TJP1: variants seen among roughly 807,000 people sequenced by gnomAD.
TJP1 encodes tight junction protein 1.
In TJP1, 43 loss-of-function variants were observed where a neutral mutation model predicts 194.2. The observed-to-expected ratio is 0.22, with a 90% CI of 0.17 to 0.29. The LOEUF (loss-of-function observed/expected upper bound fraction) is 0.29, where lower values mean the gene tolerates loss of function less well. TJP1 is among the 10% of genes least tolerant of loss of function. The pLI is 1.00. For synonymous variants in TJP1, 801 were observed against 779.0 expected, an observed-to-expected ratio of 1.03 and a Z score of -0.47; for missense variants, 1,971 against 2,185.7, an observed-to-expected ratio of 0.90 and a Z score of 1.96.
intron 2 of TJP1, among the ~76,000 whole-genome samples, chr15:29,841,507 C>A (rs2051224122): frequency 1.3e-5 from 2 of 152,134 alleles, no homozygotes; most frequent in African/African-American, 4.8e-5. Flanking sequence ...GAAAAGGCTG[C>A]ATTTCTTTAT....
At position 29,936,113 on chromosome 15, in the gene TJP1, G is replaced by A. The variant is rs535338249; in HGVS notation, c.306+20119C>T. Among the ~76,000 whole-genome samples, 7 of 151,896 alleles carry A rather than the reference G, an allele frequency of 4.6e-5. No homozygotes were observed. The South Asian group carries it at 6.3e-4, about 14-fold the overall frequency. ...TGGTCTCTATATGAGTTCCCTCCTCGCTGGGGGTTTCCTCCCTCCTATGCG... is the reference window on the plus strand; with the variant it reads ...TGGTCTCTATATGAGTTCCCTCCTCACTGGGGGTTTCCTCCCTCCTATGCG... On this transcript the variant is annotated intron_variant, in intron 2 of 28. Coordinates refer to the TJP1 transcript ENST00000356107.
intron 2 of TJP1, among the ~76,000 whole-genome samples, chr15:29,905,411 G>A (rs1272019413): frequency 1.3e-5 from 2 of 152,112 alleles, no homozygotes; most frequent in African/African-American, 4.8e-5. Context: ...AAACTATGGC[G>A]CAAACTTACA....
At chr15:29,717,803 T>C (rs1221203862) in intron 22 of TJP1, among the ~76,000 whole-genome samples, 1 of 152,188 alleles carries the variant, frequency 6.6e-6, no homozygotes, top group African/African-American at 2.4e-5. Context: ...TCCGAAAGTC[T>C]GCTAAAGGTA....
At position 29,773,376 on chromosome 15, in the gene TJP1, T is replaced by C; in HGVS notation, c.85-19A>G. 2 of 1,611,634 alleles carry C rather than the reference T, an allele frequency of 1.2e-6. No homozygotes were observed. The highest frequency in any genetic ancestry group is 1.7e-6 in the Non-Finnish European group (2 of 1,178,220). On this transcript the variant is annotated intron_variant, in intron 2 of 27. Transcript: ENST00000614355. The stretch of plus-strand genomic sequence containing the variant: ...CAGGAGCCTAAAGTAAAAATTACAG[T>C]AAAATATTGCTATTAAGGACAAAAA...
At chr15:29,753,586 A>G (rs1299190534) in intron 8 of TJP1, among the ~76,000 whole-genome samples, 2 of 151,850 alleles carry the variant, frequency 1.3e-5, no homozygotes, top group Non-Finnish European at 2.9e-5. Flanking sequence ...AGGACGAATG[A>G]GCAGGATAAC....
chr15:29,968,095 A>G lies in TJP1; in HGVS notation c.173+572T>C, dbSNP rs572521140. 39 of 985,404 alleles carry G rather than the reference A, an allele frequency of 4.0e-5. No individual in the cohort carries two copies. The South Asian group carries it at 1.6e-3, about 40-fold the overall frequency. 61.0% of individuals were successfully genotyped at this position (985,404 alleles called of 1,614,324 possible). A position where few individuals can be genotyped will look rare whatever the true frequency, so the allele number is the denominator to read the frequency against. ...TTTTCTTTAAGGATGTTTTTTCCTCATTACCTCAGTAACAGTTTCCAGGTC... is the reference window on the plus strand; with the variant it reads ...TTTTCTTTAAGGATGTTTTTTCCTCGTTACCTCAGTAACAGTTTCCAGGTC... On this transcript the variant is annotated intron_variant, in intron 1 of 28. Transcript: ENST00000356107.
upstream of TJP1, among the ~76,000 whole-genome samples, chr15:29,825,271 A>G (rs528601893): frequency 6.6e-6 from 1 of 152,224 alleles, no homozygotes; most frequent in Admixed American, 6.5e-5. Context: ...ATGCTTACAC[A>G]CGCATGTCAT....
intron 2 of TJP1, among the ~76,000 whole-genome samples, chr15:29,945,774 T>TG (rs1257711408): frequency 2.5e-5 from 3 of 120,930 alleles, no homozygotes; most frequent in African/African-American, 9.9e-5. Context: ...TTAAGGCTAT[T>TG]AAACACACAC....
intron 1 of TJP1, among the ~76,000 whole-genome samples, chr15:29,813,115 CCT>C (rs1268585057): frequency 2.0e-5 from 3 of 152,174 alleles, no homozygotes; most frequent in Admixed American, 6.5e-5. Flanking sequence ...ATGTATTTCC[CCT>C]GATTGTGGCT....
At chr15:29,954,293 G>C (rs1168441771) in intron 2 of TJP1, among the ~76,000 whole-genome samples, 1 of 152,090 alleles carries the variant, frequency 6.6e-6, no homozygotes, top group Admixed American at 6.5e-5. Context: ...CTTTTTGTCT[G>C]CTACATTCTA....
chr15:29,813,865 G>A (rs939303944), intron 1 of TJP1, among the ~76,000 whole-genome samples: 8 of 152,284 alleles, frequency 5.3e-5, no homozygotes, highest in African/African-American at 1.9e-4. Flanking sequence ...TGGTACACAC[G>A]AGGTAACCAA....
chr15:29,866,191 G>T lies in TJP1; in HGVS notation c.307-65489C>A, dbSNP rs181468668. Among the ~76,000 whole-genome samples the T allele has an allele frequency of 7.9e-5, 12 of 152,176 alleles. No homozygotes were observed. The East Asian group carries it at 2.3e-3, about 29-fold the overall frequency. ...GTTAAATCTTTTCTTTGAAATTTGC[G>T]TTTATGTCTGGCATGATTTTACCCC... On this transcript the variant is annotated intron_variant, in intron 2 of 28. Coordinates refer to the TJP1 transcript ENST00000356107.
At chr15:29,819,142 T>C (rs917230572) in intron 1 of TJP1, among the ~76,000 whole-genome samples, 1 of 152,252 alleles carries the variant, frequency 6.6e-6, no homozygotes, top group East Asian at 1.9e-4. Flanking sequence ...AGTAGTATTC[T>C]ACATTTTCTT....
chr15:29,942,098 G>A (rs1335200715), intron 2 of TJP1, among the ~76,000 whole-genome samples: 4 of 152,128 alleles, frequency 2.6e-5, no homozygotes, highest in Admixed American at 6.5e-5. Context: ...AATACTGAAC[G>A]CATAATATTC....
At chr15:29,705,925 C>CTT (rs1284151733) in intron 25 of TJP1, among the ~76,000 whole-genome samples, 180 bp from the exon 26 acceptor site, 1 of 152,142 alleles carries the variant, frequency 6.6e-6, no homozygotes, top group Non-Finnish European at 1.5e-5. Flanking sequence ...AATATTATTT[C>CTT]TTTTTTGTTT....
At chr15:29,949,324 C>T (rs1163456153) in intron 2 of TJP1, among the ~76,000 whole-genome samples, 56 of 130,588 alleles carry the variant, frequency 4.3e-4, no homozygotes, top group African/African-American at 1.7e-3. Context: ...CTTTCACCAC[C>T]ACTACCTCCA....
chr15:29,952,989 T>A (rs1231486530), intron 2 of TJP1, among the ~76,000 whole-genome samples: 1 of 152,086 alleles, frequency 6.6e-6, no homozygotes, highest in Non-Finnish European at 1.5e-5. Flanking sequence ...GTGGCTAAGG[T>A]TTTAAATTGG....
rs2055462612 is a variant in TJP1, at chr15:29,949,415, T to TCCAC, written c.306+6816_306+6817insGTGG. Among the ~76,000 whole-genome samples, 227 of 109,084 alleles carry TCCAC rather than the reference T, an allele frequency of 2.1e-3. 1 individual carries two copies. Among genetic ancestry groups the TCCAC allele is most frequent in the Non-Finnish European group, 2.5e-3 (134 of 54,614 alleles). 71.6% of individuals were successfully genotyped at this position (109,084 alleles called of 152,430 possible). On this transcript the variant is annotated intron_variant, in intron 2 of 28. Transcript: ENST00000356107. ...CACCACCACCTCCACAACCACCACC[T>TCCAC]CTACCTCCACAACCACCACCTCCAC...
At chr15:29,850,372 C>T (rs974920173) in intron 2 of TJP1, among the ~76,000 whole-genome samples, 18 of 151,934 alleles carry the variant, frequency 1.2e-4, no homozygotes, top group Non-Finnish European at 2.2e-4. Flanking sequence ...ACTCTGTAGC[C>T]CAGGCTGGAG....
Sources: allele counts gnomAD v4.1 joint callset (sites outside exome capture counted in the v4.1 genomes callset), GRCh38; gene constraint gnomAD v4.1.1; transcripts MANE v1.5; gene names NCBI Gene and HGNC (gene_info 2026-07-23, HGNC 2026-07-21).